ENTHD1: variants seen among roughly 807,000 people sequenced by gnomAD.
The protein encoded by ENTHD1 is ENTH domain-containing protein 1.
In ENTHD1, 23 loss-of-function variants were observed where a neutral mutation model predicts 39.1. The ratio of observed to expected loss-of-function variants is 0.59; its 90% confidence interval spans 0.42 to 0.83. The LOEUF (loss-of-function observed/expected upper bound fraction) is 0.83. Among genes scored for constraint, ENTHD1 ranks in the 40% least tolerant of loss-of-function variants. The pLI, the probability that ENTHD1 is intolerant of heterozygous loss-of-function variation, is 0.00. For synonymous variants in ENTHD1, 230 were observed against 258.2 expected, an observed-to-expected ratio of 0.89 and a Z score of 1.05; for missense variants, 624 against 705.4, an observed-to-expected ratio of 0.88 and a Z score of 1.31.
intron 3 of ENTHD1, among the ~76,000 whole-genome samples, chr22:39,856,401 G>A (rs1161503976): frequency 7.3e-5 from 11 of 151,240 alleles, no homozygotes; most frequent in Non-Finnish European, 1.0e-4. Flanking sequence ...ACATGGAATT[G>A]GTTAGTATTG....
intron 3 of ENTHD1, among the ~76,000 whole-genome samples, chr22:39,856,464 T>C (rs1402593755): frequency 6.6e-6 from 1 of 152,096 alleles, no homozygotes; most frequent in Non-Finnish European, 1.5e-5. Flanking sequence ...CAGACATCTG[T>C]ATATCTAGGA....
At chr22:39,824,058 C>T (rs766372637) in intron 4 of ENTHD1, among the ~76,000 whole-genome samples, 3 of 152,032 alleles carry the variant, frequency 2.0e-5, no homozygotes, top group Non-Finnish European at 4.4e-5. Context: ...TTGCCAGATA[C>T]GGGGTTTACA....
In ENTHD1 at chr22:39,804,212, G is replaced by GCAGTGGCT. The variant is rs1171287390; in HGVS notation, c.832+16773_832+16780dup. ...AACAAAACAAAAGAAAAGGCTGAGT[G>GCAGTGGCT]CAGTGGCTCATGCCTGTCATCCCAG... On this transcript the variant is annotated intron_variant, in intron 5 of 6. Transcript: ENST00000325157. Among the ~76,000 whole-genome samples, 3 of 151,940 alleles carry GCAGTGGCT rather than the reference G, an allele frequency of 2.0e-5. No homozygotes were observed. The East Asian group carries it at 5.8e-4, about 29-fold the overall frequency.
rs183316478 is a variant in ENTHD1 at position 39,743,394 on chromosome 22, A to G, written c.*285T>C. On this transcript the variant is annotated 3_prime_UTR_variant, in exon 7 of 7. Transcript: ENST00000325157. ...TGAGGTCTTACCACAATTTTCACTA[A>G]TGCTTAACCCATTTGAGGTACAGAG... The G allele has an allele frequency of 3.4e-3, 917 of 269,660 alleles. 1 individual carries two copies. Among genetic ancestry groups the G allele is most frequent in the South Asian group, 5.6e-3 (65 of 11,598 alleles). 16.7% of individuals were successfully genotyped at this position (269,660 alleles called of 1,614,324 possible).
chr22:39,891,125 G>C, intron 1 of ENTHD1, among the ~76,000 whole-genome samples: 1 of 152,172 alleles, frequency 6.6e-6, no homozygotes, highest in East Asian at 1.9e-4. Flanking sequence ...ATAATATTTA[G>C]AAATAGAGGG....
intron 1 of ENTHD1, among the ~76,000 whole-genome samples, chr22:39,892,700 G>A (rs2066436659): frequency 6.6e-6 from 1 of 152,202 alleles, no homozygotes; most frequent in African/African-American, 2.4e-5. Context: ...CTAAGAGGCT[G>A]AGTGTCCAGA....
chr22:39,887,166 A>C (rs1034419775), intron 2 of ENTHD1, among the ~76,000 whole-genome samples: 2 of 152,208 alleles, frequency 1.3e-5, no homozygotes, highest in Non-Finnish European at 2.9e-5. Flanking sequence ...ATGATCCCCC[A>C]AAACTCCTAA....
At chr22:39,837,318 T>C (rs1400970885) in intron 3 of ENTHD1, among the ~76,000 whole-genome samples, 1 of 152,214 alleles carries the variant, frequency 6.6e-6, no homozygotes, top group Non-Finnish European at 1.5e-5. Flanking sequence ...AACTTCCACC[T>C]ATGTTCTTAC....
chr22:39,803,261 CT>C (rs1199043454), intron 5 of ENTHD1, among the ~76,000 whole-genome samples: 6 of 152,084 alleles, frequency 3.9e-5, no homozygotes, highest in African/African-American at 1.4e-4. Flanking sequence ...CTAACCTTTT[CT>C]CCATAACTGA....
chr22:39,878,744 G>A (rs1357067426), intron 2 of ENTHD1, among the ~76,000 whole-genome samples: 1 of 151,856 alleles, frequency 6.6e-6, no homozygotes, highest in Non-Finnish European at 1.5e-5. Flanking sequence ...TCTGCATAAA[G>A]AAATGAACTG....
intron 2 of ENTHD1, among the ~76,000 whole-genome samples, chr22:39,870,155 T>C (rs533289711): frequency 6.6e-6 from 1 of 152,170 alleles, no homozygotes; most frequent in African/African-American, 2.4e-5. Context: ...TGGCTGGGAT[T>C]ACAGGCAGAC....
chr22:39,797,350 C>A (rs1485898963), intron 5 of ENTHD1, among the ~76,000 whole-genome samples: 1 of 152,098 alleles, frequency 6.6e-6, no homozygotes, highest in Non-Finnish European at 1.5e-5. Context: ...AATTTTAATT[C>A]TTTTACCTTC....
rs1421163334 is a variant in ENTHD1 at position 39,867,646 on chromosome 22, AG to A, written c.350-5640del. Among the ~76,000 whole-genome samples, 3 of 152,152 alleles carry A rather than the reference AG, an allele frequency of 2.0e-5. No individual in the cohort carries two copies. The highest frequency in any genetic ancestry group is 4.4e-5 in the Non-Finnish European group (3 of 68,034). On this transcript the variant is annotated intron_variant, in intron 2 of 6. Coordinates refer to ENST00000325157, the MANE Select transcript of ENTHD1 (RefSeq NM_152512.4). The surrounding 1 kb of genome is among the most constrained non-coding windows in gnomAD (Gnocchi z 4.5). ...CCAATCTACCCTCCACAATGCCTTC[AG>A]GTAACGCGGTGGGGGTAGAAAGGGA...
chr22:39,767,875 A>G (rs1335425095), intron 5 of ENTHD1, among the ~76,000 whole-genome samples: 1 of 152,220 alleles, frequency 6.6e-6, no homozygotes, highest in Non-Finnish European at 1.5e-5. Context: ...AATGAAGCAA[A>G]CCAGACAGAA....
intron 3 of ENTHD1, among the ~76,000 whole-genome samples, chr22:39,841,770 C>T (rs2065945917): frequency 6.6e-6 from 1 of 151,948 alleles, no homozygotes; most frequent in Non-Finnish European, 1.5e-5. Context: ...TGAATTTGAT[C>T]CTGTCATGAT....
chr22:39,821,041 T>C lies in ENTHD1; in HGVS notation c.784A>G (p.Ile262Val). The part of the protein sequence containing the change: ...LATPPSIVSP[I>V]TCLSEAEEVC... ...TCTTCTGCTTCTGACAAGCAAGTGA[T>C]TGGAGAGACAATGGAAGGAGGTGTT... Residue 262 changes from isoleucine (I) to valine (V), a missense_variant, in exon 5 of 7, where the codon ATC becomes GTC. By Grantham distance (29) the Ile-to-Val change is conservative. Transcript: ENST00000325157. The C allele has an allele frequency of 6.2e-7, 1 of 1,614,078 alleles. No homozygotes were observed. Among genetic ancestry groups the C allele is most frequent in the Non-Finnish European group, 8.5e-7 (1 of 1,179,976 alleles).
intron 3 of ENTHD1, among the ~76,000 whole-genome samples, chr22:39,858,038 C>G (rs933111744): frequency 4.6e-5 from 7 of 152,122 alleles, no homozygotes; most frequent in African/African-American, 1.4e-4. Context: ...ACTGACTCTT[C>G]CTTTCACAAA....
At chr22:39,791,677 C>T (rs1433924091) in intron 5 of ENTHD1, among the ~76,000 whole-genome samples, 1 of 152,246 alleles carries the variant, frequency 6.6e-6, no homozygotes, top group African/African-American at 2.4e-5. Flanking sequence ...GGATTACAGG[C>T]ATGAGCCACC....
chr22:39,790,631 C>A (rs1438379869), intron 5 of ENTHD1, among the ~76,000 whole-genome samples: 1 of 152,224 alleles, frequency 6.6e-6, no homozygotes, highest in Non-Finnish European at 1.5e-5. Flanking sequence ...CCAGTCCCAA[C>A]TCACCAGGCT....
Sources: gnomAD v4.1 joint callset for allele counts (sites outside exome capture counted in the v4.1 genomes callset) on GRCh38, gnomAD v4.1.1 for gene constraint, Gnocchi (gnomAD v3.1) non-coding constraint, MANE v1.5 for transcripts, NCBI Gene and HGNC (gene_info 2026-07-23, HGNC 2026-07-21) for gene names.